LPP: variants seen among roughly 807,000 people sequenced by gnomAD.
LPP encodes the protein lipoma-preferred partner.
A neutral mutation model predicts 60.4 loss-of-function variants in LPP; 38 were observed. The observed-to-expected ratio is 0.63, with a 90% CI of 0.49 to 0.83. The LOEUF is 0.83. LPP is among the 40% of genes least tolerant of loss of function. The probability of loss-of-function intolerance (pLI) is 0.00; values close to 1 mark genes in which losing one functional copy is unlikely to be tolerated. For synonymous variants in LPP, 328 were observed against 290.8 expected (o/e 1.13, Z -1.30); for missense variants, 902 against 783.6 (o/e 1.15, Z -1.80).
chr3:188,787,788 A>G (rs1742420985), intron 9 of LPP, among the ~76,000 whole-genome samples: 1 of 152,116 alleles, frequency 6.6e-6, no homozygotes, highest in Non-Finnish European at 1.5e-5. Flanking sequence ...TCTTGTCTCA[A>G]TCTGTACTCC....
chr3:188,723,933 C>T (rs756543759), intron 8 of LPP, among the ~76,000 whole-genome samples: 43 of 151,960 alleles, frequency 2.8e-4, no homozygotes, highest in Middle Eastern at 6.8e-3. Context: ...CCTCTCTTCC[C>T]CAAAAAGAAA....
chr3:188,607,411 ATATAT>A (rs1412724920), intron 6 of LPP, among the ~76,000 whole-genome samples: 7 of 28,412 alleles, frequency 2.5e-4, no homozygotes, highest in African/African-American at 5.5e-4. Context: ...ATATATATAT[ATATAT>A]AATTTTTTTT....
At chr3:188,596,692 T>C (rs1259978943) in intron 6 of LPP, among the ~76,000 whole-genome samples, 1 of 152,174 alleles carries the variant, frequency 6.6e-6, no homozygotes. Context: ...CCTTCAAATA[T>C]TTTATTTGAA....
chr3:188,593,070 A>C (rs1839241526), intron 6 of LPP, among the ~76,000 whole-genome samples: 1 of 151,910 alleles, frequency 6.6e-6, no homozygotes, highest in Non-Finnish European at 1.5e-5. Flanking sequence ...TTTCTGATTC[A>C]TTTATTTATT....
intron 4 of LPP, among the ~76,000 whole-genome samples, chr3:188,407,850 G>T (rs530614450): frequency 3.8e-4 from 51 of 134,946 alleles, no homozygotes; most frequent in African/African-American, 1.3e-3. Context: ...GAGTGCAATG[G>T]CATTATTTCG....
intron 1 of LPP, among the ~76,000 whole-genome samples, chr3:188,195,294 A>T (rs1729227378): frequency 6.6e-6 from 1 of 152,102 alleles, no homozygotes; most frequent in African/African-American, 2.4e-5. Flanking sequence ...GAGGCTGACG[A>T]AATTTGTGAT....
intron 9 of LPP, among the ~76,000 whole-genome samples, chr3:188,807,163 G>A (rs1307868129): frequency 6.6e-6 from 1 of 151,690 alleles, no homozygotes; most frequent in Non-Finnish European, 1.5e-5. Flanking sequence ...TCACTTCATT[G>A]TTTTCTCACT....
chr3:188,538,103 C>A (rs1214986065), intron 6 of LPP, among the ~76,000 whole-genome samples: 1 of 152,156 alleles, frequency 6.6e-6, no homozygotes, highest in Admixed American at 6.6e-5. Context: ...TAAAACTATA[C>A]AACTTGTAGA....
chr3:188,201,544 T>C (rs1731083873), intron 1 of LPP, among the ~76,000 whole-genome samples: 1 of 151,990 alleles, frequency 6.6e-6, no homozygotes, highest in African/African-American at 2.4e-5. Flanking sequence ...CCATCTCTAC[T>C]AAAAATACAA....
intron 3 of LPP, among the ~76,000 whole-genome samples, chr3:188,378,093 G>A (rs147246904): frequency 0.028 from 4,199 of 152,274 alleles, 63 homozygotes; most frequent in South Asian, 0.069. Context: ...GTACCCGGCC[G>A]TGTGAGGTGT....
intron 6 of LPP, among the ~76,000 whole-genome samples, chr3:188,563,767 T>A (rs1180608803): frequency 2.0e-5 from 3 of 151,066 alleles, no homozygotes; most frequent in African/African-American, 7.3e-5. Flanking sequence ...AAATTCAGTG[T>A]GGGCCATCAT....
intron 1 of LPP, among the ~76,000 whole-genome samples, chr3:188,185,077 T>G (rs959451874): frequency 2.0e-5 from 3 of 152,184 alleles, no homozygotes; most frequent in Non-Finnish European, 2.9e-5. Context: ...CTGGCATATC[T>G]TCTATCTCTG....
At chr3:188,345,085 T>C (rs1349550972) in intron 3 of LPP, among the ~76,000 whole-genome samples, 2 of 152,220 alleles carry the variant, frequency 1.3e-5, no homozygotes, top group Non-Finnish European at 2.9e-5. Flanking sequence ...GAATCTGATT[T>C]GTCTAAAGTG....
intron 4 of LPP, among the ~76,000 whole-genome samples, chr3:188,413,499 C>A (rs528810758): frequency 1.8e-4 from 27 of 152,224 alleles, no homozygotes; most frequent in African/African-American, 4.3e-4. Context: ...TAATGAAGCT[C>A]GGGTTTGCCT....
chr3:188,601,527 C>T (rs903980949), intron 6 of LPP, among the ~76,000 whole-genome samples: 1 of 152,148 alleles, frequency 6.6e-6, no homozygotes, highest in Non-Finnish European at 1.5e-5. Context: ...TGGAGTCACA[C>T]CATTATGTCA....
intron 6 of LPP, among the ~76,000 whole-genome samples, chr3:188,602,335 C>A (rs1210613768): frequency 3.3e-5 from 5 of 150,252 alleles, no homozygotes; most frequent in Non-Finnish European, 7.4e-5. Flanking sequence ...CTCAAGAAAG[C>A]AAATTTAGTT....
intron 4 of LPP, among the ~76,000 whole-genome samples, chr3:188,439,903 G>T (rs184045202): frequency 1.1e-4 from 16 of 152,190 alleles, no homozygotes; most frequent in Non-Finnish European, 2.4e-4. Context: ...CTAAAGTTGT[G>T]CAGGATAGGA....
At chr3:188,666,648 A>G (rs1473000722) in intron 7 of LPP, among the ~76,000 whole-genome samples, 1 of 152,222 alleles carries the variant, frequency 6.6e-6, no homozygotes, top group Admixed American at 6.5e-5. Flanking sequence ...GCTTGCATGG[A>G]GCCATCATTT....
chr3:188,627,459 A>C (rs560644071), intron 7 of LPP, among the ~76,000 whole-genome samples: 1 of 152,320 alleles, frequency 6.6e-6, no homozygotes, highest in African/African-American at 2.4e-5. Flanking sequence ...AGCTCTATCA[A>C]GCAAATGGAA....
Sources: gnomAD v4.1 joint callset for allele counts (sites outside exome capture counted in the v4.1 genomes callset) on GRCh38, gnomAD v4.1.1 for gene constraint, MANE v1.5 for transcripts, NCBI Gene and HGNC (gene_info 2026-07-23, HGNC 2026-07-21) for gene names.